Variants in ZNF480 observed in about 807,000 individuals in gnomAD.
The protein encoded by ZNF480 is zinc finger protein 480.
ZNF480 carries 15 observed loss-of-function variants against 14.4 expected under a neutral mutation model. The ratio of observed to expected loss-of-function variants is 1.04; its 90% confidence interval spans 0.70 to 1.60. The LOEUF (loss-of-function observed/expected upper bound fraction) is 1.60. Ranked by LOEUF, ZNF480 falls within the 40% of genes most tolerant of loss-of-function variation. ZNF480 has a pLI of 0.00. For synonymous variants in ZNF480, 218 were observed against 215.5 expected (o/e 1.01, Z -0.10); for missense variants, 593 against 629.7 (o/e 0.94, Z 0.62).
chr19:52,318,601 A>G (rs923183155), intron 4 of ZNF480, among the ~76,000 whole-genome samples: 3 of 152,106 alleles, frequency 2.0e-5, no homozygotes, highest in African/African-American at 7.2e-5. Context: ...GAAATGTTGA[A>G]TCCAATCTCA....
intron 4 of ZNF480, among the ~76,000 whole-genome samples, chr19:52,316,833 C>T (rs1049572079): frequency 2.6e-5 from 4 of 152,070 alleles, no homozygotes; most frequent in Admixed American, 1.3e-4. Context: ...TCTCACTTAG[C>T]GTAGTGTCTT....
At chr19:52,317,965 A>C (rs561422589) in intron 4 of ZNF480, among the ~76,000 whole-genome samples, 1 of 152,052 alleles carries the variant, frequency 6.6e-6, no homozygotes, top group African/African-American at 2.4e-5. Context: ...ATTTCTCTCT[A>C]ATGATTTGTG....
rs767480317 is a variant in ZNF480, at chr19:52,322,325, G to T, written c.1075G>T (p.Val359Leu). ...GKAFYRIALL[V>L]RHQKIHTGEK... Reference sequence around the variant, plus strand: ...GGCCTTCTATAGGATTGCGCTCCTTGTACGACATCAGAAAATTCATACTGG... The same window carrying T: ...GGCCTTCTATAGGATTGCGCTCCTTTTACGACATCAGAAAATTCATACTGG... The change falls in exon 5 of 5, where the codon GTA becomes TTA. Residue 359 changes from valine (V) to leucine (L), a missense_variant. Physicochemically the swap from Val to Leu is conservative, Grantham distance 32. Coordinates refer to ENST00000595962, the MANE Select transcript of ZNF480 (RefSeq NM_144684.4). 4.3e-6 allele frequency: 7 copies of T among 1,613,082 alleles called. No homozygotes were observed. In the Admixed American group the frequency reaches 6.7e-5, roughly 15 times the overall value.
intron 2 of ZNF480, among the ~76,000 whole-genome samples, chr19:52,306,450 T>C (rs1982935419): frequency 6.6e-6 from 1 of 152,132 alleles, no homozygotes; most frequent in South Asian, 2.1e-4. Flanking sequence ...TCCCAAAAGT[T>C]GGTCTGCAGT....
At chr19:52,305,210 T>C (rs1317007853) in intron 2 of ZNF480, among the ~76,000 whole-genome samples, 1 of 152,234 alleles carries the variant, frequency 6.6e-6, no homozygotes, top group African/African-American at 2.4e-5. Flanking sequence ...TTAGGGGCTA[T>C]GCCAACTCCA....
Position 52,321,782 on chromosome 19 carries a change from A to G in ZNF480, c.532A>G (p.Ile178Val), listed in dbSNP as rs367848964. ...AATGTCTTCCAGTGTCAAAACCCCCATTTTTAATAGGAATGATTTTGATGA... is the reference window on the plus strand; with the variant it reads ...AATGTCTTCCAGTGTCAAAACCCCCGTTTTTAATAGGAATGATTTTGATGA... The part of the protein sequence containing the change: ...QEMSSSVKTP[I>V]FNRNDFDDSS... The change falls in exon 5 of 5, where the codon ATT (isoleucine) becomes GTT (valine). Residue 178 changes from isoleucine to valine, a missense_variant. By Grantham distance (29) the Ile-to-Val change is conservative. Transcript: ENST00000595962. 1 of 1,613,514 alleles carries G rather than the reference A, an allele frequency of 6.2e-7. No individual in the cohort carries two copies. The highest frequency in any genetic ancestry group is 8.5e-7 in the Non-Finnish European group (1 of 1,179,692).
intron 2 of ZNF480, chr19:52,301,634 T>C (rs1568628986): frequency 6.6e-6 from 1 of 152,168 alleles, no homozygotes; most frequent in South Asian, 2.1e-4. Context: ...AAAGTAGAAT[T>C]TTTCTGCCAA....
At chr19:52,313,166 C>T (rs1467985422) in intron 2 of ZNF480, among the ~76,000 whole-genome samples, 9 of 142,542 alleles carry the variant, frequency 6.3e-5, no homozygotes, top group Non-Finnish European at 1.4e-4. Flanking sequence ...GATGAAGTCT[C>T]ACTCTTTTCC....
chr19:52,314,127 T>C, intron 2 of ZNF480, 26 bp from the exon 3 acceptor site: 3 of 1,544,488 alleles, frequency 1.9e-6, no homozygotes, highest in East Asian at 2.5e-5. Flanking sequence ...ACATATCCTG[T>C]TGGTGAAATG....
At chr19:52,298,494 G>A (rs1027763036) in intron 1 of ZNF480, among the ~76,000 whole-genome samples, 1 of 152,068 alleles carries the variant, frequency 6.6e-6, no homozygotes, top group East Asian at 1.9e-4. Flanking sequence ...TTAGCCGGGC[G>A]TCAGCGCGCG....
At chr19:52,316,129 T>A (rs1983540385) in intron 4 of ZNF480, among the ~76,000 whole-genome samples, 167 bp downstream of exon 4, 1 of 152,176 alleles carries the variant, frequency 6.6e-6, no homozygotes, top group African/African-American at 2.4e-5. Context: ...CGAGACTCAG[T>A]TTCAAATAAA....
chr19:52,325,834 A>C lies in ZNF480; in HGVS notation c.*2976A>C, dbSNP rs1047419198. 2 of 152,184 alleles carry C rather than the reference A, an allele frequency of 1.3e-5. No homozygotes were observed. Among genetic ancestry groups the C allele is most frequent in the African/African-American group, 4.8e-5 (2 of 41,454 alleles). 9.4% of individuals were successfully genotyped at this position (152,184 alleles called of 1,614,324 possible). ...TACTATGCTGATTACCTGGGGACAA[A>C]ATTAACTGTACACCAAACTCCTGCA... On this transcript the variant is annotated 3_prime_UTR_variant, in exon 5 of 5. Transcript: ENST00000595962.
At chr19:52,308,199 C>T (rs1017526182) in intron 2 of ZNF480, among the ~76,000 whole-genome samples, 3 of 151,922 alleles carry the variant, frequency 2.0e-5, no homozygotes, top group African/African-American at 7.3e-5. Context: ...CGTCACCTCT[C>T]TGTAGACCAG....
intron 1 of ZNF480, among the ~76,000 whole-genome samples, chr19:52,299,114 A>G (rs1982560299): frequency 6.6e-6 from 1 of 152,182 alleles, no homozygotes; most frequent in Admixed American, 6.5e-5. Flanking sequence ...TTCCCTATTC[A>G]GGCACAGGTC....
chr19:52,297,615 C>A (rs3810121), intron 1 of ZNF480, among the ~76,000 whole-genome samples: 2,776 of 152,256 alleles, frequency 0.018, 37 homozygotes, highest in East Asian at 0.047. Flanking sequence ...CAGGAGAAGC[C>A]GCGTCTTCTG....
At chr19:52,300,798 C>A in intron 2 of ZNF480, 1 of 412,830 alleles carries the variant, frequency 2.4e-6, no homozygotes, top group Non-Finnish European at 4.4e-6. Context: ...AGCATTGTTT[C>A]TATAGATTAT....
intron 4 of ZNF480, 58 bp from the exon 5 acceptor site, chr19:52,321,521 G>A: frequency 7.0e-7 from 1 of 1,431,682 alleles, no homozygotes. Flanking sequence ...ATTTTCATCA[G>A]ACTCTAAACA....
chr19:52,299,159 T>C (rs1982563266), intron 1 of ZNF480, among the ~76,000 whole-genome samples: 1 of 152,214 alleles, frequency 6.6e-6, no homozygotes, highest in African/African-American at 2.4e-5. Flanking sequence ...GGTCACCCAC[T>C]TTCCTTTTCC....
intron 1 of ZNF480, 134 bp downstream of exon 1, chr19:52,297,357 C>T (rs937934052): frequency 1.9e-5 from 7 of 377,384 alleles, no homozygotes; most frequent in Admixed American, 3.5e-5. Flanking sequence ...CAGGCGTCTC[C>T]GTGAGAGTCA....
Sources: gnomAD v4.1 joint callset for allele counts (sites outside exome capture counted in the v4.1 genomes callset) on GRCh38, gnomAD v4.1.1 for gene constraint, MANE v1.5 for transcripts, NCBI Gene and HGNC (gene_info 2026-07-23, HGNC 2026-07-21) for gene names.